The following PTPRK variants were observed in gnomAD, a reference collection of about 807,000 sequenced individuals.
The protein encoded by PTPRK is receptor-type tyrosine-protein phosphatase kappa.
PTPRK carries 75 observed loss-of-function variants against 178.0 expected under a neutral mutation model. The observed-to-expected ratio is 0.42, with a 90% confidence interval of 0.35 to 0.51. The LOEUF is 0.51. Ranked by LOEUF, PTPRK falls within the 20% of genes least tolerant of loss-of-function variation. The pLI, the probability that PTPRK is intolerant of heterozygous loss-of-function variation, is 0.02. For synonymous variants in PTPRK, 637 were observed against 620.6 expected (o/e 1.03, Z -0.39); for missense variants, 1,441 against 1,797.8 (o/e 0.80, Z 3.59).
intron 6 of PTPRK, among the ~76,000 whole-genome samples, chr6:128,190,003 C>G (rs1803482603): frequency 6.6e-6 from 1 of 152,088 alleles, no homozygotes; most frequent in African/African-American, 2.4e-5. Flanking sequence ...TTTCAAGAAA[C>G]TTAATATTAC....
intron 2 of PTPRK, among the ~76,000 whole-genome samples, chr6:128,373,958 G>A (rs1334189088): frequency 1.3e-5 from 2 of 152,002 alleles, no homozygotes; most frequent in African/African-American, 2.4e-5. Flanking sequence ...GGGTAAAAAG[G>A]CTTCAGAAAT....
In PTPRK at chr6:127,976,788, T is replaced by C; in HGVS notation, c.3844-6A>G. The C allele has an allele frequency of 6.2e-7, 1 of 1,609,504 alleles. No individual in the cohort carries two copies. The highest frequency in any genetic ancestry group is 8.5e-7 in the Non-Finnish European group (1 of 1,178,992). ...GGCCAGTACTGAGGGCAGCCCTAAA[T>C]GATGAACGTTTTGAAAGAAAAAAAA... On this transcript the variant is annotated splice_region_variant and splice_polypyrimidine_tract_variant and intron_variant, in intron 26 of 29. Coordinates refer to ENST00000368226, the MANE Select transcript of PTPRK (RefSeq NM_002844.4).
intron 2 of PTPRK, among the ~76,000 whole-genome samples, chr6:128,360,174 A>G (rs932437304): frequency 3.3e-5 from 5 of 152,206 alleles, no homozygotes; most frequent in Admixed American, 1.3e-4. Context: ...AGATCATTTC[A>G]TAAAATCACA....
intron 13 of PTPRK, among the ~76,000 whole-genome samples, chr6:128,037,262 A>C (rs1028687382): frequency 1.6e-4 from 24 of 152,180 alleles, no homozygotes; most frequent in Non-Finnish European, 8.8e-5. Context: ...AGACTGAATC[A>C]ATTTAAGTCT....
chr6:128,163,228 G>C (rs1798932905), intron 7 of PTPRK, among the ~76,000 whole-genome samples: 1 of 151,154 alleles, frequency 6.6e-6, no homozygotes, highest in Admixed American at 6.6e-5. Flanking sequence ...TTAAACCTAA[G>C]CTCATGAGGT....
At chr6:128,017,833 T>TATATATATATATATATATATATA (rs1779790519) in intron 13 of PTPRK, among the ~76,000 whole-genome samples, 3 of 137,310 alleles carry the variant, frequency 2.2e-5, no homozygotes, top group South Asian at 2.3e-4. Flanking sequence ...TATATATATA[T>TATATATATATATATATATATATA]TTGGCAGAAT....
At chr6:128,325,977 T>C (rs918028042) in intron 2 of PTPRK, among the ~76,000 whole-genome samples, 2 of 152,118 alleles carry the variant, frequency 1.3e-5, no homozygotes, top group Admixed American at 1.3e-4. Context: ...CACCATGGAA[T>C]ACTGTGCAGC....
At chr6:128,464,674 T>TATACAC (rs1407701569) in intron 1 of PTPRK, among the ~76,000 whole-genome samples, 2 of 124,768 alleles carry the variant, frequency 1.6e-5, no homozygotes, top group African/African-American at 3.1e-5. Context: ...TATATATATA[T>TATACAC]ACAACAGATG....
intron 7 of PTPRK, among the ~76,000 whole-genome samples, chr6:128,167,591 A>T (rs1799608366): frequency 6.6e-6 from 1 of 151,972 alleles, no homozygotes; most frequent in South Asian, 2.1e-4. Context: ...AACTAGGTGG[A>T]TTTTAGCAAA....
chr6:128,038,628 G>A (rs117004027), intron 13 of PTPRK, among the ~76,000 whole-genome samples: 1 of 152,114 alleles, frequency 6.6e-6, no homozygotes, highest in Non-Finnish European at 1.5e-5. Flanking sequence ...TGCAGCTCAG[G>A]AAATGCGACA....
intron 7 of PTPRK, among the ~76,000 whole-genome samples, chr6:128,149,056 G>T (rs1321071548): frequency 2.6e-5 from 4 of 151,382 alleles, no homozygotes; most frequent in South Asian, 2.1e-4. Context: ...AGAGAACCAT[G>T]AACCAAATCA....
At chr6:128,203,059 T>C (rs943807033) in intron 6 of PTPRK, among the ~76,000 whole-genome samples, 1 of 152,140 alleles carries the variant, frequency 6.6e-6, no homozygotes, top group African/African-American at 2.4e-5. Context: ...TTATCCACCA[T>C]GATCAAGTTG....
At chr6:127,989,715 A>C (rs1229019264) in intron 21 of PTPRK, among the ~76,000 whole-genome samples, 1 of 152,070 alleles carries the variant, frequency 6.6e-6, no homozygotes, top group Admixed American at 6.6e-5. Context: ...TTCTTTTTTA[A>C]AGTTCTTGCT....
chr6:127,974,996 G>A (rs1371101292), intron 27 of PTPRK, among the ~76,000 whole-genome samples: 3 of 152,092 alleles, frequency 2.0e-5, no homozygotes, highest in Admixed American at 2.0e-4. Context: ...TAGATTACAA[G>A]CCCTACTTAG....
At chr6:128,061,814 A>C (rs1780877962) in intron 13 of PTPRK, among the ~76,000 whole-genome samples, 1 of 152,220 alleles carries the variant, frequency 6.6e-6, no homozygotes, top group Non-Finnish European at 1.5e-5. Flanking sequence ...TGCTGTTTCT[A>C]ACTCTGGCCA....
chr6:127,996,594 C>A (rs1344139796), intron 17 of PTPRK, among the ~76,000 whole-genome samples: 2 of 152,136 alleles, frequency 1.3e-5, no homozygotes, highest in African/African-American at 4.8e-5. Flanking sequence ...TCCTTAGCAT[C>A]CTGATTAACC....
chr6:128,320,563 G>T (rs1189467394), intron 3 of PTPRK, among the ~76,000 whole-genome samples: 1 of 152,148 alleles, frequency 6.6e-6, no homozygotes, highest in Non-Finnish European at 1.5e-5. Context: ...TTTAAGGAGT[G>T]TGCTAGATTA....
chr6:128,064,913 A>G, intron 12 of PTPRK, 119 bp from the exon 13 acceptor site: 1 of 1,151,566 alleles, frequency 8.7e-7, no homozygotes, highest in South Asian at 3.0e-5. Context: ...TAAACAACAG[A>G]ATTTTAATAT....
At chr6:128,104,062 C>T (rs1157721457) in intron 7 of PTPRK, among the ~76,000 whole-genome samples, 1 of 152,168 alleles carries the variant, frequency 6.6e-6, no homozygotes, top group Non-Finnish European at 1.5e-5. Flanking sequence ...TGTTATTCTA[C>T]CAGATATTCA....
Sources: gnomAD v4.1 joint callset for allele counts (sites outside exome capture counted in the v4.1 genomes callset) on GRCh38, gnomAD v4.1.1 for gene constraint, MANE v1.5 for transcripts, NCBI Gene and HGNC (gene_info 2026-07-23, HGNC 2026-07-21) for gene names.